XPR1: variants seen among roughly 807,000 people sequenced by gnomAD.
XPR1 encodes the protein xenotropic and polytropic retrovirus receptor 1.
Under a neutral mutation model 87.5 loss-of-function variants are expected in XPR1, and 28 were observed. That is an observed-to-expected ratio of 0.32 (90% confidence interval 0.24 to 0.44). The LOEUF (loss-of-function observed/expected upper bound fraction) is 0.44. XPR1 is among the 20% of genes least tolerant of loss of function. XPR1 has a pLI of 1.00. For synonymous variants in XPR1, 300 were observed against 306.1 expected, an observed-to-expected ratio of 0.98 and a Z score of 0.21; for missense variants, 559 against 862.3, an observed-to-expected ratio of 0.65 and a Z score of 4.41.
rs572570086 is a variant in XPR1 at position 180,685,672 on chromosome 1, T to C, written c.121+3261T>C. Among the ~76,000 whole-genome samples, 15 of 152,324 alleles carry C rather than the reference T, an allele frequency of 9.8e-5. 1 individual carries two copies. Among genetic ancestry groups the C allele is most frequent in the African/African-American group, 2.9e-4 (12 of 41,582 alleles). On this transcript the variant is annotated intron_variant, in intron 2 of 14. Coordinates refer to ENST00000367590, the MANE Select transcript of XPR1 (RefSeq NM_004736.4). Reference sequence around the variant, plus strand: ...ATTGCCTCAATTTCAGAGCCTGTTATTGGTCTATTCAGAGATTCAACTTCT... The same window carrying C: ...ATTGCCTCAATTTCAGAGCCTGTTACTGGTCTATTCAGAGATTCAACTTCT...
intron 12 of XPR1, among the ~76,000 whole-genome samples, chr1:180,872,819 A>G (rs1300714982): frequency 2.6e-5 from 4 of 151,922 alleles, no homozygotes; most frequent in African/African-American, 7.3e-5. Flanking sequence ...AGCTGTTCCT[A>G]TTCGGCCATC....
chr1:180,798,019 G>A (rs575411148), intron 3 of XPR1, among the ~76,000 whole-genome samples: 1 of 152,098 alleles, frequency 6.6e-6, no homozygotes, highest in South Asian at 2.1e-4. Context: ...TTCATTTTCT[G>A]TTGACTTAAA....
chr1:180,652,895 A>G (rs141030706), intron 1 of XPR1, among the ~76,000 whole-genome samples: 6 of 152,204 alleles, frequency 3.9e-5, no homozygotes, highest in African/African-American at 1.2e-4. Context: ...ATTCTGGCTC[A>G]GTATTTTGTG....
chr1:180,642,324 C>T (rs1335103662), intron 1 of XPR1, among the ~76,000 whole-genome samples: 1 of 152,008 alleles, frequency 6.6e-6, no homozygotes, highest in Non-Finnish European at 1.5e-5. Flanking sequence ...ACCTGTAACC[C>T]AAATTGCCAA....
chr1:180,784,067 A>G (rs1163560532), intron 2 of XPR1, among the ~76,000 whole-genome samples: 1 of 151,972 alleles, frequency 6.6e-6, no homozygotes, highest in East Asian at 1.9e-4. Context: ...AAAAAAACAA[A>G]TGGTGAATGA....
intron 11 of XPR1, among the ~76,000 whole-genome samples, chr1:180,840,576 A>G (rs77727019): frequency 0.38 from 49,105 of 128,892 alleles, 9,710 homozygotes; most frequent in Non-Finnish European, 0.45. Flanking sequence ...GTATATATAT[A>G]TATATATATA....
chr1:180,841,153 A>C lies in XPR1; in HGVS notation c.1501+4437A>C, dbSNP rs80318296. On this transcript the variant is annotated intron_variant, in intron 11 of 14. Coordinates refer to ENST00000367590, the MANE Select transcript of XPR1 (RefSeq NM_004736.4). ...CATAAAAATAGAGTATAAAGAGATA[A>C]GCAGGGTACCGAAAGAACCCCCAGC... is the stretch of plus-strand genomic sequence containing the variant. 2.5e-3 allele frequency among the ~76,000 whole-genome samples: 388 copies of C among 152,298 alleles called. 7 individuals carry two copies. In the East Asian group the frequency reaches 0.07, roughly 27 times the overall value.
intron 1 of XPR1, among the ~76,000 whole-genome samples, chr1:180,672,689 A>T (rs1007530896): frequency 6.6e-6 from 1 of 152,218 alleles, no homozygotes; most frequent in Non-Finnish European, 1.5e-5. Flanking sequence ...GAAGTAATTT[A>T]AAAACAGAAT....
intron 2 of XPR1, among the ~76,000 whole-genome samples, chr1:180,765,190 A>G (rs1256818465): frequency 6.6e-6 from 1 of 152,184 alleles, no homozygotes; most frequent in East Asian, 1.9e-4. Flanking sequence ...GCAGAGAGTA[A>G]GTGACTTGTG....
intron 2 of XPR1, among the ~76,000 whole-genome samples, chr1:180,716,869 C>T (rs1658014139): frequency 6.6e-6 from 1 of 152,162 alleles, no homozygotes; most frequent in Non-Finnish European, 1.5e-5. Context: ...GCCTCCAGGT[C>T]CTCCTTCTTG....
intron 1 of XPR1, among the ~76,000 whole-genome samples, chr1:180,667,454 C>G (rs1348758823): frequency 1.3e-5 from 2 of 152,172 alleles, no homozygotes; most frequent in Admixed American, 1.3e-4. Context: ...ATAAATCCCA[C>G]TTGGTCATGG....
rs1183744178 is a variant in XPR1, at chr1:180,736,815, T to C, written c.122-50938T>C. Among the ~76,000 whole-genome samples the C allele has an allele frequency of 3.3e-5, 5 of 152,176 alleles. No homozygotes were observed. The East Asian group carries it at 7.7e-4, about 24-fold the overall frequency. Reference sequence around the variant, plus strand: ...CCAAAAAGAGATGAGACATTATGTGTTCAACAGTGAGCAGGTATACGCAGA... The same window carrying C: ...CCAAAAAGAGATGAGACATTATGTGCTCAACAGTGAGCAGGTATACGCAGA... On this transcript the variant is annotated intron_variant, in intron 2 of 14. Transcript: ENST00000367590.
At chr1:180,693,518 T>G (rs1197637764) in intron 2 of XPR1, among the ~76,000 whole-genome samples, 2 of 152,232 alleles carry the variant, frequency 1.3e-5, no homozygotes, top group Non-Finnish European at 2.9e-5. Flanking sequence ...TTGCATTAGT[T>G]TCCTTCGGTT....
Position 180,884,035 on chromosome 1 carries a change from T to C in XPR1, c.2060T>C (p.Ile687Thr). ...QSKARDTKVLIEDTDDEANT is the reference protein window; with the variant it reads ...QSKARDTKVLTEDTDDEANT Reference sequence around the variant, plus strand: ...AAGGCTCGTGACACTAAGGTATTGATAGAAGACACAGATGATGAAGCTAAC... The same window carrying C: ...AAGGCTCGTGACACTAAGGTATTGACAGAAGACACAGATGATGAAGCTAAC... The change falls in exon 15 of 15, where the codon ATA becomes ACA. Residue 687 changes from isoleucine (I) to threonine (T), a missense_variant. Ile to Thr is a moderately conservative substitution (Grantham distance 89). Around this residue, in one of 7 missense-constraint regions of XPR1, gnomAD observed 80 missense variants for 99.5 expected, o/e 0.80. Coordinates refer to ENST00000367590, the MANE Select transcript of XPR1 (RefSeq NM_004736.4). The C allele has an allele frequency of 5.0e-6, 8 of 1,614,118 alleles. No homozygotes were observed. Among genetic ancestry groups the C allele is most frequent in the Non-Finnish European group, 6.8e-6 (8 of 1,179,998 alleles).
chr1:180,828,994 C>T (rs1040615035), intron 9 of XPR1, among the ~76,000 whole-genome samples: 4 of 151,800 alleles, frequency 2.6e-5, no homozygotes, highest in African/African-American at 4.8e-5. Context: ...CCCAGGAGTT[C>T]GAGACCAGCC....
At chr1:180,746,618 G>A (rs1210550298) in intron 2 of XPR1, among the ~76,000 whole-genome samples, 1 of 152,004 alleles carries the variant, frequency 6.6e-6, no homozygotes, top group Admixed American at 6.6e-5. Context: ...CCTTTGGGTA[G>A]ATACATAGTA....
intron 2 of XPR1, among the ~76,000 whole-genome samples, chr1:180,769,241 C>G (rs1171762395): frequency 6.6e-6 from 1 of 152,180 alleles, no homozygotes; most frequent in African/African-American, 2.4e-5. Context: ...AGCATTTATC[C>G]TGTGTGTTAC....
intron 1 of XPR1, among the ~76,000 whole-genome samples, chr1:180,673,187 T>G (rs1467560210): frequency 6.6e-6 from 1 of 152,168 alleles, no homozygotes; most frequent in Non-Finnish European, 1.5e-5. Context: ...GAAAGGAGAT[T>G]AGAGATGATC....
intron 1 of XPR1, among the ~76,000 whole-genome samples, chr1:180,656,456 T>TTATATATAATATATATATA (rs1557941450): frequency 0.023 from 76 of 3,316 alleles, 12 homozygotes; most frequent in Non-Finnish European, 0.039. Flanking sequence ...TATTTATATA[T>TTATATATAATATATATATA]TTATATATAA....
Sources: allele counts gnomAD v4.1 joint callset (sites outside exome capture counted in the v4.1 genomes callset), GRCh38; gene constraint gnomAD v4.1.1; regional missense constraint gnomAD v4.1.1; transcripts MANE v1.5; gene names NCBI Gene and HGNC (gene_info 2026-07-23, HGNC 2026-07-21).